The following AP3B1 variants were observed in gnomAD, a reference collection of about 807,000 sequenced individuals.
AP3B1 encodes the protein AP-3 complex subunit beta-1.
A neutral mutation model predicts 132.5 loss-of-function variants in AP3B1; 61 were observed. The ratio of observed to expected loss-of-function variants is 0.46; its 90% CI spans 0.37 to 0.57. The LOEUF (loss-of-function observed/expected upper bound fraction) is 0.57, where lower values mean the gene tolerates loss of function less well. AP3B1 is among the 20% of genes least tolerant of loss of function. The pLI is 0.00. For missense variants in AP3B1, 1,120 were observed against 1,289.4 expected, an observed-to-expected ratio of 0.87 and a Z score of 2.01; for synonymous variants, 388 against 438.3, an observed-to-expected ratio of 0.89 and a Z score of 1.43.
chr5:78,198,205 C>T (rs1745148652), intron 7 of AP3B1, among the ~76,000 whole-genome samples: 1 of 152,166 alleles, frequency 6.6e-6, no homozygotes, highest in Non-Finnish European at 1.5e-5. Flanking sequence ...TCAAGATTTA[C>T]ACCAGGATGA....
chr5:78,132,161 T>C lies in AP3B1; in HGVS notation c.1651-2854A>G, dbSNP rs574111746. Among the ~76,000 whole-genome samples, 37 of 152,322 alleles carry C rather than the reference T, an allele frequency of 2.4e-4. 1 individual carries two copies. The highest frequency in any genetic ancestry group is 2.1e-3 in the Admixed American group (32 of 15,298). On this transcript the variant is annotated intron_variant, in intron 15 of 26. Transcript: ENST00000255194. ...TCAGTAAATGTGACAACTACGGTTT[T>C]ATTTCAACTGGCTGAATAAGCAGTT...
intron 7 of AP3B1, among the ~76,000 whole-genome samples, chr5:78,193,732 G>GTGTATATATATATATATA (rs1340871803): frequency 3.5e-4 from 31 of 89,182 alleles, no homozygotes; most frequent in South Asian, 1.0e-3. Flanking sequence ...TTAAATATTT[G>GTGTATATATATATATATA]TATATATTTT....
intron 1 of AP3B1, among the ~76,000 whole-genome samples, chr5:78,270,963 C>G (rs890385176): frequency 2.0e-5 from 3 of 152,158 alleles, no homozygotes; most frequent in Non-Finnish European, 4.4e-5. Context: ...ATAGGGATTT[C>G]ATTCTATTAA....
At chr5:78,095,319 T>A (rs1373567392) in intron 21 of AP3B1, among the ~76,000 whole-genome samples, 1 of 152,232 alleles carries the variant, frequency 6.6e-6, no homozygotes, top group Non-Finnish European at 1.5e-5. Flanking sequence ...TGGATTATGA[T>A]GTGCCTCTTA....
chr5:78,002,645 A>C lies in AP3B1; in HGVS notation c.*257T>G. On this transcript the variant is annotated 3_prime_UTR_variant, in exon 27 of 27. Transcript: ENST00000255194. Reference sequence around the variant, plus strand: ...GGCCAAAAGAAGCAGCAGGACAGAGAAAACGCCACATGGATTCAAGAGTTG... The same window carrying C: ...GGCCAAAAGAAGCAGCAGGACAGAGCAAACGCCACATGGATTCAAGAGTTG... 1.7e-6 allele frequency: 1 copy of C among 601,488 alleles called. No homozygotes were observed. Among genetic ancestry groups the C allele is most frequent in the Non-Finnish European group, 2.9e-6 (1 of 339,026 alleles). 37.3% of individuals were successfully genotyped at this position (601,488 alleles called of 1,614,324 possible).
At chr5:78,166,754 C>G (rs1261926180) in intron 11 of AP3B1, among the ~76,000 whole-genome samples, 1 of 152,080 alleles carries the variant, frequency 6.6e-6, no homozygotes, top group Non-Finnish European at 1.5e-5. Flanking sequence ...GGAAAGGATA[C>G]CCTATTCAAC....
At chr5:78,240,549 T>G (rs1747085534) in intron 3 of AP3B1, among the ~76,000 whole-genome samples, 1 of 152,148 alleles carries the variant, frequency 6.6e-6, no homozygotes, top group Admixed American at 6.6e-5. Flanking sequence ...GGACATATGC[T>G]ATCTTAAAAT....
rs189457903 is a variant in AP3B1 at position 78,013,385 on chromosome 5, G to T, written c.3131+2025C>A. ...CTAAGAAACAAAAATCTAGACAGCT[G>T]CCATTGCTTTCAGAAAAGTTAACAA... On this transcript the variant is annotated intron_variant, in intron 26 of 26. Transcript: ENST00000255194. 2.6e-3 allele frequency among the ~76,000 whole-genome samples: 396 copies of T among 151,044 alleles called. 4 individuals are homozygous for T. Among genetic ancestry groups the T allele is most frequent in the African/African-American group, 9.6e-3 (389 of 40,478 alleles).
At chr5:78,288,414 C>T (rs1749372119) in intron 1 of AP3B1, among the ~76,000 whole-genome samples, 2 of 152,088 alleles carry the variant, frequency 1.3e-5, no homozygotes, top group South Asian at 2.1e-4. Flanking sequence ...GTAAAGATGC[C>T]TTTGAAGACT....
intron 22 of AP3B1, 139 bp downstream of exon 22, chr5:78,089,254 G>A (rs1054724439): frequency 3.0e-6 from 2 of 668,270 alleles, no homozygotes; most frequent in African/African-American, 1.8e-5. Flanking sequence ...AAAATTAAAA[G>A]GTCTTAGCTA....
chr5:78,078,093 G>A (rs1406029003), intron 22 of AP3B1, among the ~76,000 whole-genome samples: 2 of 152,086 alleles, frequency 1.3e-5, no homozygotes, highest in African/African-American at 2.4e-5. Context: ...ATTCTAATTA[G>A]TTGGCCCTAA....
At chr5:78,183,374 T>G (rs955654499) in intron 7 of AP3B1, among the ~76,000 whole-genome samples, 1 of 152,094 alleles carries the variant, frequency 6.6e-6, no homozygotes, top group African/African-American at 2.4e-5. Flanking sequence ...TGTCCAAGTT[T>G]CAATTAAAAA....
intron 1 of AP3B1, among the ~76,000 whole-genome samples, chr5:78,288,045 G>A (rs1458695042): frequency 2.0e-5 from 3 of 152,164 alleles, no homozygotes; most frequent in South Asian, 4.1e-4. Flanking sequence ...GAAGGAGCCC[G>A]TGCCTCTTCA....
chr5:78,182,893 A>G (rs1377865781), intron 7 of AP3B1, among the ~76,000 whole-genome samples: 1 of 152,240 alleles, frequency 6.6e-6, no homozygotes, highest in Non-Finnish European at 1.5e-5. Flanking sequence ...GTAACAAGGC[A>G]TTCTGATATT....
intron 6 of AP3B1, among the ~76,000 whole-genome samples, chr5:78,220,264 G>T (rs1389054399): frequency 6.6e-6 from 1 of 151,172 alleles, no homozygotes; most frequent in Non-Finnish European, 1.5e-5. Context: ...TTAAATACTG[G>T]GTAGAGAAGT....
rs1747935284 is a variant in AP3B1 at position 78,039,060 on chromosome 5, T to C, written c.2792A>G (p.His931Arg). 1 of 1,581,564 alleles carries C rather than the reference T, an allele frequency of 6.3e-7. No individual in the cohort carries two copies. Among genetic ancestry groups the C allele is most frequent in the Non-Finnish European group, 8.7e-7 (1 of 1,151,496 alleles). The change falls in exon 23 of 27, where the codon CAT (histidine) becomes CGT (arginine). Residue 931 changes from histidine (H) to arginine (R), a missense_variant. Physicochemically the swap from His to Arg is conservative, Grantham distance 29 (BLOSUM62 0). Around this residue, in one of 3 missense-constraint regions of AP3B1, gnomAD observed 906 missense variants for 997.1 expected, o/e 0.91. Transcript: ENST00000255194. ...EKKLPIGMKM[H>R]VFNPIDSLEP... ...ATATTTACCTATTGGATTAAAAACA[T>C]GCATTTTCATGCCTATAGGAAGTTT... is the stretch of plus-strand genomic sequence containing the variant.
intron 26 of AP3B1, 54 bp downstream of exon 26, chr5:78,015,356 A>G: frequency 3.9e-6 from 6 of 1,556,228 alleles, no homozygotes; most frequent in East Asian, 2.3e-5. Context: ...AAAATTATAT[A>G]TTTATACATA....
chr5:78,105,421 A>C (rs1244696918), intron 20 of AP3B1, among the ~76,000 whole-genome samples: 2 of 152,300 alleles, frequency 1.3e-5, no homozygotes, highest in East Asian at 1.9e-4. Context: ...ATCTGTTCAC[A>C]TAATTTTAAC....
Position 78,134,314 on chromosome 5 carries a change from C to T in AP3B1, c.1651-5007G>A, listed in dbSNP as rs1752815851. Among the ~76,000 whole-genome samples, 4 of 151,890 alleles carry T rather than the reference C, an allele frequency of 2.6e-5. No individual in the cohort carries two copies. In the South Asian group the frequency reaches 8.3e-4, roughly 31 times the overall value. ...AAATATAGTCCTAATATATATTTTA[C>T]TATTAATACTATAGTTCTAATAATA... On this transcript the variant is annotated intron_variant, in intron 15 of 26. Coordinates refer to ENST00000255194, the MANE Select transcript of AP3B1 (RefSeq NM_003664.5).
Sources: allele counts gnomAD v4.1 joint callset (sites outside exome capture counted in the v4.1 genomes callset), GRCh38; gene constraint gnomAD v4.1.1; regional missense constraint gnomAD v4.1.1; transcripts MANE v1.5; gene names NCBI Gene and HGNC (gene_info 2026-07-23, HGNC 2026-07-21).